Variants in SLC38A6 observed in about 807,000 individuals in gnomAD.
The protein encoded by SLC38A6 is N system amino acid transporter NAT-1.
A neutral mutation model predicts 65.0 loss-of-function variants in SLC38A6; 73 were observed. The ratio of observed to expected loss-of-function variants is 1.12; its 90% CI spans 0.93 to 1.37. SLC38A6 has a LOEUF of 1.37. Among genes scored for constraint, SLC38A6 ranks in the 40% most tolerant of loss-of-function variants. The pLI, the probability that SLC38A6 is intolerant of heterozygous loss-of-function variation, is 0.00. For missense variants in SLC38A6, 561 were observed against 531.1 expected (o/e 1.06, Z -0.55); for synonymous variants, 183 against 178.8 (o/e 1.02, Z -0.19).
intron 15 of SLC38A6, among the ~76,000 whole-genome samples, chr14:61,068,496 GAAC>G (rs2043107294): frequency 6.6e-6 from 1 of 152,034 alleles, no homozygotes; most frequent in African/African-American, 2.4e-5. Flanking sequence ...TCTGCCCCTG[GAAC>G]ACACCAAGCT....
intron 15 of SLC38A6, among the ~76,000 whole-genome samples, chr14:61,076,209 C>T (rs1383365100): frequency 2.6e-5 from 4 of 152,040 alleles, no homozygotes; most frequent in Admixed American, 6.6e-5. Flanking sequence ...GAGTGGGGCC[C>T]CTAGGGAAGA....
chr14:60,982,103 T>G, intron 1 of SLC38A6: 1 of 457,130 alleles, frequency 2.2e-6, no homozygotes. Flanking sequence ...TGTGCAGTCC[T>G]AGTAATTGAG....
chr14:60,995,172 A>G (rs1017510166), intron 3 of SLC38A6, among the ~76,000 whole-genome samples: 11 of 152,326 alleles, frequency 7.2e-5, no homozygotes, highest in Middle Eastern at 3.4e-3. Flanking sequence ...AGAGATATCT[A>G]TGCTCCCATG....
At chr14:61,014,213 G>C (rs557596133) in intron 3 of SLC38A6, among the ~76,000 whole-genome samples, 2 of 152,010 alleles carry the variant, frequency 1.3e-5, no homozygotes. Flanking sequence ...CGTAGTTCTC[G>C]TGCCGTGGTT....
intron 3 of SLC38A6, among the ~76,000 whole-genome samples, chr14:61,000,492 G>T (rs79559577): frequency 1.3e-5 from 2 of 152,172 alleles, no homozygotes; most frequent in African/African-American, 4.8e-5. Flanking sequence ...TTAGCCGGGC[G>T]TGATGGCGGG....
intron 2 of SLC38A6, 142 bp downstream of exon 2, chr14:60,982,780 T>C: frequency 1.1e-6 from 1 of 927,464 alleles, no homozygotes; most frequent in South Asian, 1.8e-5. Context: ...TTGTTATTCT[T>C]GTTGCTAGTG....
chr14:60,983,784 A>T (rs1354312167), intron 2 of SLC38A6, among the ~76,000 whole-genome samples: 2 of 152,174 alleles, frequency 1.3e-5, no homozygotes, highest in Non-Finnish European at 2.9e-5. Context: ...TAGTCAGAGG[A>T]CTTTTTTTTT....
At chr14:61,038,634 T>C (rs919942717) in intron 8 of SLC38A6, among the ~76,000 whole-genome samples, 8 of 152,154 alleles carry the variant, frequency 5.3e-5, no homozygotes, top group African/African-American at 1.9e-4. Flanking sequence ...CAAAACAACC[T>C]AGGGTGCATT....
At chr14:61,043,963 A>C (rs1166573175) in intron 10 of SLC38A6, among the ~76,000 whole-genome samples, 1 of 152,150 alleles carries the variant, frequency 6.6e-6, no homozygotes, top group African/African-American at 2.4e-5. Flanking sequence ...CTTCTGGCCG[A>C]CATTCCAAAG....
At chr14:60,984,853 T>C (rs756882438) in intron 3 of SLC38A6, 50 bp downstream of exon 3, 1 of 1,520,566 alleles carries the variant, frequency 6.6e-7, no homozygotes, top group East Asian at 2.3e-5. Context: ...TCTCTTGAGT[T>C]TGTATCTACA....
intron 15 of SLC38A6, among the ~76,000 whole-genome samples, chr14:61,067,223 A>ACTCAT (rs2043049903): frequency 6.6e-6 from 1 of 152,070 alleles, no homozygotes; most frequent in Admixed American, 6.6e-5. Flanking sequence ...CTTGCTGAAG[A>ACTCAT]CTCAATATTT....
At position 61,072,957 on chromosome 14, in the gene SLC38A6, TGTTCTCTACAGTG is replaced by T. The variant is rs374453751; in HGVS notation, c.1291-5849_1291-5837del. Among the ~76,000 whole-genome samples, 7 of 152,318 alleles carry T rather than the reference TGTTCTCTACAGTG, an allele frequency of 4.6e-5. 1 individual carries two copies. The highest frequency in any genetic ancestry group is 1.7e-4 in the African/African-American group (7 of 41,570). On this transcript the variant is annotated intron_variant, in intron 15 of 16. Coordinates refer to the SLC38A6 transcript ENST00000354886. ...TTAGTTTTTTGAGGAACCTCCAAAC[TGTTCTCTACAGTG>T]GTTGTACTAATTTACATCCCCCCCA...
At chr14:61,001,916 T>A (rs1436909050) in intron 3 of SLC38A6, 2 of 152,236 alleles carry the variant, frequency 1.3e-5, no homozygotes, top group African/African-American at 4.8e-5. Flanking sequence ...GCTTCTGTTC[T>A]TTCACCTTCC....
chr14:61,036,808 A>G (rs1282577902), intron 6 of SLC38A6, among the ~76,000 whole-genome samples: 2 of 152,144 alleles, frequency 1.3e-5, no homozygotes, highest in South Asian at 2.1e-4. Flanking sequence ...TTATTTTTAA[A>G]TATTTATTAA....
chr14:61,072,516 C>T (rs774354072), intron 15 of SLC38A6, among the ~76,000 whole-genome samples: 4 of 152,170 alleles, frequency 2.6e-5, no homozygotes, highest in Non-Finnish European at 5.9e-5. Context: ...TTTCACCCTG[C>T]CCCTACTACC....
chr14:61,047,223 C>T (rs565573450), intron 12 of SLC38A6, among the ~76,000 whole-genome samples: 2 of 152,278 alleles, frequency 1.3e-5, no homozygotes, highest in East Asian at 3.9e-4. Flanking sequence ...GAAGAAACCT[C>T]AGATGGCTTG....
chr14:61,023,367 T>C (rs1056582228), intron 5 of SLC38A6, among the ~76,000 whole-genome samples: 1 of 151,982 alleles, frequency 6.6e-6, no homozygotes, highest in Non-Finnish European at 1.5e-5. Context: ...GCTCAGGAGT[T>C]TGAGACCAGC....
At chr14:60,990,929 G>A (rs1476335409) in intron 3 of SLC38A6, among the ~76,000 whole-genome samples, 1 of 152,064 alleles carries the variant, frequency 6.6e-6, no homozygotes, top group African/African-American at 2.4e-5. Context: ...CAATCCTCCT[G>A]CCTTGACCTC....
At chr14:61,077,121 G>A in intron 15 of SLC38A6, among the ~76,000 whole-genome samples, 1 of 152,208 alleles carries the variant, frequency 6.6e-6, no homozygotes, top group Middle Eastern at 3.4e-3. Context: ...TATTAAACTT[G>A]CCACTTTCAA....
Sources: gnomAD v4.1 joint callset for allele counts (sites outside exome capture counted in the v4.1 genomes callset) on GRCh38, gnomAD v4.1.1 for gene constraint, MANE v1.5 for transcripts, NCBI Gene and HGNC (gene_info 2026-07-23, HGNC 2026-07-21) for gene names.